Variants in DNASE2B observed in about 807,000 individuals in gnomAD.
DNASE2B encodes the protein deoxyribonuclease-2-beta.
Under a neutral mutation model 46.0 loss-of-function variants are expected in DNASE2B, and 43 were observed. That is an observed-to-expected ratio of 0.94 (90% CI 0.73 to 1.21). DNASE2B has a LOEUF of 1.21. DNASE2B is among the 50% of genes most tolerant of loss of function. The probability of loss-of-function intolerance (pLI) is 0.00; values close to 1 mark genes in which losing one functional copy is unlikely to be tolerated. For synonymous variants in DNASE2B, 156 were observed against 152.5 expected (o/e 1.02, Z -0.17); for missense variants, 395 against 414.4 (o/e 0.95, Z 0.41).
chr1:84,399,754 G>A (rs1320682055), intron 1 of DNASE2B, among the ~76,000 whole-genome samples: 2 of 152,146 alleles, frequency 1.3e-5, no homozygotes, highest in African/African-American at 4.8e-5. Context: ...AGGTTAGAGA[G>A]GTGGGGACAG....
intron 3 of DNASE2B, among the ~76,000 whole-genome samples, chr1:84,409,025 T>A (rs1019734282): frequency 1.3e-5 from 2 of 152,038 alleles, no homozygotes; most frequent in African/African-American, 4.8e-5. Flanking sequence ...ATCATGTTAT[T>A]TACATTATCA....
chr1:84,413,044 C>CTGAGATAGGTT (rs1680631500), intron 5 of DNASE2B, among the ~76,000 whole-genome samples: 1 of 147,162 alleles, frequency 6.8e-6, no homozygotes, highest in East Asian at 2.0e-4. Flanking sequence ...ACCCCCTATG[C>CTGAGATAGGTT]TCTGAAACCT....
At chr1:84,406,212 T>G (rs1680488355) in intron 2 of DNASE2B, among the ~76,000 whole-genome samples, 1 of 152,174 alleles carries the variant, frequency 6.6e-6, no homozygotes, top group African/African-American at 2.4e-5. Flanking sequence ...CAGCTGCTTC[T>G]GCTTTCCAGG....
At chr1:84,407,814 A>T (rs987932991) in intron 2 of DNASE2B, among the ~76,000 whole-genome samples, 2 of 152,184 alleles carry the variant, frequency 1.3e-5, no homozygotes, top group Non-Finnish European at 2.9e-5. Context: ...ATCACACAGT[A>T]AATTTCACCA....
intron 1 of DNASE2B, among the ~76,000 whole-genome samples, chr1:84,399,463 G>T (rs1680362609): frequency 2.6e-5 from 4 of 152,174 alleles, no homozygotes. Context: ...ACGAAACATG[G>T]TTCCTACCCT....
intron 2 of DNASE2B, among the ~76,000 whole-genome samples, chr1:84,406,470 G>A (rs1680492427): frequency 6.6e-6 from 1 of 152,138 alleles, no homozygotes; most frequent in Non-Finnish European, 1.5e-5. Flanking sequence ...AACAAAAAAG[G>A]GACAGAAAGA....
At chr1:84,411,843 G>A (rs930261690) in intron 4 of DNASE2B, among the ~76,000 whole-genome samples, 2 of 152,114 alleles carry the variant, frequency 1.3e-5, no homozygotes, top group African/African-American at 2.4e-5. Context: ...TAATGATGCC[G>A]AATATCACAG....
chr1:84,401,913 TAA>T lies in DNASE2B; in HGVS notation c.139_140del (p.Lys47ValfsTer3). ...GKAVDWFTFY[K>X]LPKRQNKESG... is the part of the protein sequence containing the mutation. ...TTTTGTCTGTTAGGTTTACTTTTTA[TAA>T]GTTACCTAAAAGACAAAACAAGGAA... On this transcript the variant is annotated frameshift_variant, in exon 2 of 6. Coordinates refer to ENST00000370665, the MANE Select transcript of DNASE2B (RefSeq NM_021233.3). LOFTEE classifies it high-confidence loss of function. 6.6e-7 allele frequency: 1 copy of T among 1,513,924 alleles called. No homozygotes were observed. Among genetic ancestry groups the T allele is most frequent in the Non-Finnish European group, 8.8e-7 (1 of 1,137,242 alleles). 93.8% of individuals were successfully genotyped at this position (1,513,924 alleles called of 1,614,324 possible). A position where few individuals can be genotyped will look rare whatever the true frequency, so the allele number is the denominator to read the frequency against.
intron 2 of DNASE2B, among the ~76,000 whole-genome samples, chr1:84,402,292 C>T (rs1214340042): frequency 6.6e-6 from 1 of 152,202 alleles, no homozygotes; most frequent in Non-Finnish European, 1.5e-5. Context: ...GCCAAATTTA[C>T]TTGGCACCAT....
Position 84,414,750 on chromosome 1 carries a change from G to C in DNASE2B, c.968G>C (p.Gly323Ala). The change falls in exon 6 of 6, where the codon GGA (glycine) becomes GCA (alanine). Residue 323 changes from glycine to alanine, a missense_variant. Transcript: ENST00000370665. Reference protein sequence around the residue: ...KGTKNRWTCIGDLNRSPHQAF... With the variant: ...KGTKNRWTCIADLNRSPHQAF... ...ACCAAAAATCGCTGGACATGTATTGGAGACCTAAATCGGAGTCCACACCAA... is the reference window on the plus strand; with the variant it reads ...ACCAAAAATCGCTGGACATGTATTGCAGACCTAAATCGGAGTCCACACCAA... The C allele has an allele frequency of 6.2e-7, 1 of 1,614,174 alleles. No homozygotes were observed. The highest frequency in any genetic ancestry group is 2.2e-5 in the East Asian group (1 of 44,884).
chr1:84,410,304 T>C (rs1680566027), intron 3 of DNASE2B, among the ~76,000 whole-genome samples: 1 of 152,228 alleles, frequency 6.6e-6, no homozygotes, highest in East Asian at 1.9e-4. Context: ...GCTTCCTTTT[T>C]GTCTCTTTGC....
chr1:84,408,463 C>G lies in DNASE2B; in HGVS notation c.330C>G (p.Tyr110Ter). 3 of 1,611,326 alleles carry G rather than the reference C, an allele frequency of 1.9e-6. No homozygotes were observed. The highest frequency in any genetic ancestry group is 2.5e-6 in the Non-Finnish European group (3 of 1,178,420). Residue 110 changes from tyrosine (Y) to a stop codon, truncating the protein, a stop_gained, in exon 3 of 6, where the codon TAC becomes TAG. Coordinates refer to ENST00000370665, the MANE Select transcript of DNASE2B (RefSeq NM_021233.3). LOFTEE classifies it high-confidence loss of function. ...SKSNNTAYLI[Y>*]NDGVPKPVNY... Reference sequence around the variant, plus strand: ...GTAACAACACAGCCTATCTAATATACAATGATGGAGTCCCTAAACCTGTGA... The same window carrying G: ...GTAACAACACAGCCTATCTAATATAGAATGATGGAGTCCCTAAACCTGTGA...
chr1:84,413,183 A>G lies in DNASE2B; in HGVS notation c.745+637A>G, dbSNP rs1035656290. Among the ~76,000 whole-genome samples the G allele has an allele frequency of 1.3e-5, 2 of 152,010 alleles. 1 individual carries two copies. Among genetic ancestry groups the G allele is most frequent in the South Asian group, 4.1e-4 (2 of 4,824 alleles). ...CCTAAAAACCCTCCCTCAACTCTAA[A>G]GCATCTATAGCTCTATTTTTCCTTT... On this transcript the variant is annotated intron_variant, in intron 5 of 5. Coordinates refer to ENST00000370665, the MANE Select transcript of DNASE2B (RefSeq NM_021233.3).
rs1680657051 is a variant in DNASE2B, at chr1:84,414,453, A to C, written c.746-75A>C. The C allele has an allele frequency of 2.3e-6, 3 of 1,295,716 alleles. No homozygotes were observed. The African/African-American group carries it at 4.4e-5, about 19-fold the overall frequency. 80.3% of individuals were successfully genotyped at this position (1,295,716 alleles called of 1,614,324 possible). ...ATATCAGGGGTGAAAGATGATTTCC[A>C]TTCCAGAGTATATTTTCAGGGACTA... On this transcript the variant is annotated intron_variant, in intron 5 of 5. Transcript: ENST00000370665.
intron 5 of DNASE2B, among the ~76,000 whole-genome samples, chr1:84,413,617 C>T (rs1680640860): frequency 6.6e-6 from 1 of 152,132 alleles, no homozygotes; most frequent in Non-Finnish European, 1.5e-5. Context: ...ACTGGGTTGC[C>T]ATGTGGCCCC....
rs879119841 is a variant in DNASE2B, at chr1:84,402,165, C to T, written c.303+87C>T. ...CCTTCACCAGAGTTTTCTGTTCACCCACCCAACCCCCAATCCTAGCACCTT... is the reference window on the plus strand; with the variant it reads ...CCTTCACCAGAGTTTTCTGTTCACCTACCCAACCCCCAATCCTAGCACCTT... On this transcript the variant is annotated intron_variant, in intron 2 of 5. Coordinates refer to ENST00000370665, the MANE Select transcript of DNASE2B (RefSeq NM_021233.3). The T allele has an allele frequency of 1.3e-5, 17 of 1,340,492 alleles. No individual in the cohort carries two copies. The South Asian group carries it at 1.7e-4, about 14-fold the overall frequency. The allele number at this position is 1,340,492 out of a possible 1,614,324, so 83.0% of individuals were successfully genotyped here.
chr1:84,401,798 C>A, intron 1 of DNASE2B, 103 bp from the exon 2 acceptor site: 1 of 905,998 alleles, frequency 1.1e-6, no homozygotes, highest in Non-Finnish European at 1.6e-6. Context: ...TAGAGGCCTT[C>A]CATGAAACAG....
In DNASE2B at chr1:84,414,755, C is replaced by G; in HGVS notation, c.973C>G (p.Leu325Val). 1 of 1,614,150 alleles carries G rather than the reference C, an allele frequency of 6.2e-7. No individual in the cohort carries two copies. The highest frequency in any genetic ancestry group is 8.5e-7 in the Non-Finnish European group (1 of 1,180,008). Reference protein sequence around the residue: ...TKNRWTCIGDLNRSPHQAFRS... With the variant: ...TKNRWTCIGDVNRSPHQAFRS... ...AAATCGCTGGACATGTATTGGAGAC[C>G]TAAATCGGAGTCCACACCAAGCCTT... Residue 325 changes from leucine (L) to valine (V), a missense_variant, in exon 6 of 6, where the codon CTA becomes GTA. Leu to Val is a conservative substitution (Grantham distance 32). Coordinates refer to ENST00000370665, the MANE Select transcript of DNASE2B (RefSeq NM_021233.3).
Position 84,405,757 on chromosome 1 carries a change from T to G in DNASE2B, c.304-2680T>G, listed in dbSNP as rs527270135. ...GATATTCACAAGACTTGAGCTCACC[T>G]CAATGGTGACAAAAGGTGGCTATAA... On this transcript the variant is annotated intron_variant, in intron 2 of 5. Transcript: ENST00000370665. 5.8e-4 allele frequency among the ~76,000 whole-genome samples: 89 copies of G among 152,330 alleles called. 1 individual carries two copies. Among genetic ancestry groups the G allele is most frequent in the African/African-American group, 2.1e-3 (89 of 41,574 alleles).
Sources: allele counts gnomAD v4.1 joint callset (sites outside exome capture counted in the v4.1 genomes callset), GRCh38; gene constraint gnomAD v4.1.1; transcripts MANE v1.5; gene names NCBI Gene and HGNC (gene_info 2026-07-23, HGNC 2026-07-21).